TSHZ2: variants seen among roughly 807,000 people sequenced by gnomAD.
TSHZ2 encodes the protein teashirt zinc finger homeobox 2.
TSHZ2 carries 21 observed loss-of-function variants against 74.4 expected under a neutral mutation model. The ratio of observed to expected loss-of-function variants is 0.28; its 90% CI spans 0.20 to 0.41. TSHZ2 has a LOEUF of 0.41. Ranked by LOEUF, TSHZ2 falls within the 10% of genes least tolerant of loss-of-function variation. TSHZ2 has a pLI of 1.00. For synonymous variants in TSHZ2, 540 were observed against 515.3 expected (o/e 1.05, Z -0.65); for missense variants, 1,244 against 1,293.5 (o/e 0.96, Z 0.59).
intron 2 of TSHZ2, among the ~76,000 whole-genome samples, chr20:53,480,874 T>C (rs1411268996): frequency 1.3e-5 from 2 of 152,224 alleles, no homozygotes; most frequent in Non-Finnish European, 2.9e-5. Flanking sequence ...GCATATGTCA[T>C]TCTACGCATC....
intron 2 of TSHZ2, among the ~76,000 whole-genome samples, chr20:53,357,726 C>T (rs1395196782): frequency 3.3e-5 from 5 of 152,104 alleles, no homozygotes; most frequent in Admixed American, 1.3e-4. Context: ...AATTGTTCTT[C>T]GTCACTGAGG....
intron 2 of TSHZ2, among the ~76,000 whole-genome samples, chr20:53,363,133 G>C (rs1051712335): frequency 6.6e-6 from 1 of 152,242 alleles, no homozygotes; most frequent in Non-Finnish European, 1.5e-5. Context: ...CACGTCTCCC[G>C]GAGGTCCCCA....
chr20:53,210,612 G>A (rs973198400), intron 1 of TSHZ2, among the ~76,000 whole-genome samples: 5 of 151,754 alleles, frequency 3.3e-5, no homozygotes, highest in Non-Finnish European at 4.4e-5. Flanking sequence ...CTGGGGTTTG[G>A]GGTTTATACG....
intron 2 of TSHZ2, among the ~76,000 whole-genome samples, chr20:53,439,286 C>T (rs756048994): frequency 6.6e-6 from 1 of 152,132 alleles, no homozygotes; most frequent in African/African-American, 2.4e-5. Context: ...ATCCTTCCAT[C>T]TGGAGTCAGT....
intron 2 of TSHZ2, among the ~76,000 whole-genome samples, chr20:53,405,672 A>C (rs544325119): frequency 1.1e-4 from 17 of 152,334 alleles, no homozygotes; most frequent in African/African-American, 3.8e-4. Context: ...GATGAGAGAC[A>C]AGAGGAAAAG....
chr20:53,466,914 A>G (rs145800432), intron 2 of TSHZ2, among the ~76,000 whole-genome samples: 150 of 152,352 alleles, frequency 9.8e-4, no homozygotes, highest in African/African-American at 3.3e-3. Flanking sequence ...GATTCTAGTT[A>G]GTTTCATTGA....
chr20:53,342,830 C>G (rs559186130), intron 2 of TSHZ2, among the ~76,000 whole-genome samples: 1 of 152,106 alleles, frequency 6.6e-6, no homozygotes, highest in East Asian at 1.9e-4. Flanking sequence ...TGTGGAACAT[C>G]TACAGCAGGG....
chr20:53,284,711 C>T (rs1173305798), intron 2 of TSHZ2, among the ~76,000 whole-genome samples: 1 of 142,452 alleles, frequency 7.0e-6, no homozygotes, highest in African/African-American at 2.6e-5. Flanking sequence ...CCCCTACACG[C>T]CCGTCCCCCC....
At chr20:53,089,164 C>A (rs1600684192) in intron 1 of TSHZ2, among the ~76,000 whole-genome samples, 1 of 151,266 alleles carries the variant, frequency 6.6e-6, no homozygotes, top group East Asian at 1.9e-4. Flanking sequence ...TTCAGGCTTA[C>A]GAGATCATGT....
At chr20:53,249,895 A>G (rs1990288373) in intron 1 of TSHZ2, among the ~76,000 whole-genome samples, 1 of 152,240 alleles carries the variant, frequency 6.6e-6, no homozygotes, top group Non-Finnish European at 1.5e-5. Flanking sequence ...ATCTTCTAGC[A>G]GTTCACTGAA....
chr20:53,082,904 T>C (rs1285978244), intron 1 of TSHZ2, among the ~76,000 whole-genome samples: 1 of 152,220 alleles, frequency 6.6e-6, no homozygotes, highest in African/African-American at 2.4e-5. Context: ...TTTCAAATTC[T>C]TCTCTGATGG....
chr20:53,025,679 C>T lies in TSHZ2; in HGVS notation c.40+52346C>T, dbSNP rs527671830. ...TACTTTCAGATAAAAATTACTATTT[C>T]TTACCTAAAAAGAAAACACAAATAG... On this transcript the variant is annotated intron_variant, in intron 1 of 2. Coordinates refer to ENST00000371497, the MANE Select transcript of TSHZ2 (RefSeq NM_173485.6). 1.8e-4 allele frequency among the ~76,000 whole-genome samples: 27 copies of T among 152,310 alleles called. No homozygotes were observed. The East Asian group carries it at 5.0e-3, about 28-fold the overall frequency.
intron 2 of TSHZ2, among the ~76,000 whole-genome samples, chr20:53,485,708 C>CAA (rs11480327): frequency 3.2e-4 from 40 of 124,750 alleles, no homozygotes; most frequent in East Asian, 1.1e-3. Flanking sequence ...GGCTCCAGCA[C>CAA]AAAAAAAAAA....
chr20:53,276,707 C>A (rs944042763), intron 2 of TSHZ2, among the ~76,000 whole-genome samples: 5 of 152,188 alleles, frequency 3.3e-5, no homozygotes, highest in African/African-American at 1.2e-4. Context: ...GCGCCATCCC[C>A]CGAGTGTCAG....
Position 53,253,801 on chromosome 20 carries a change from C to G in TSHZ2, c.343C>G (p.Pro115Ala). The G allele has an allele frequency of 6.2e-7, 1 of 1,614,176 alleles. No individual in the cohort carries two copies. Among genetic ancestry groups the G allele is most frequent in the Non-Finnish European group, 8.5e-7 (1 of 1,180,018 alleles). The change falls in exon 2 of 3, where the codon CCA becomes GCA. Residue 115 changes from proline to alanine, a missense_variant. Physicochemically the swap from Pro to Ala is conservative, Grantham distance 27. This residue lies in a region of TSHZ2 where 470 missense variants were observed against 456.5 expected (regional missense o/e 1.03). Transcript: ENST00000371497. The stretch of plus-strand genomic sequence containing the variant: ...GAAAGCACACACTCACGTCAGGCTT[C>G]CAAACGAAGCACACAATTGCATGGA... ...DKKAHTHVRL[P>A]NEAHNCMDKM... is the part of the protein sequence containing the mutation.
At chr20:53,150,809 A>G (rs1600713608) in intron 1 of TSHZ2, among the ~76,000 whole-genome samples, 1 of 152,276 alleles carries the variant, frequency 6.6e-6, no homozygotes, top group East Asian at 1.9e-4. Context: ...AGCAAATAAG[A>G]AAACTAAGAT....
rs552527358 is a variant in TSHZ2 at position 53,137,134 on chromosome 20, G to A, written c.41-116365G>A. The stretch of plus-strand genomic sequence containing the variant: ...TTACCTACTTCAATTTCCCACTGTA[G>A]TTATCCTGGTTTGCCTTTATCATTG... On this transcript the variant is annotated intron_variant, in intron 1 of 2. Transcript: ENST00000371497. Among the ~76,000 whole-genome samples, 3 of 152,132 alleles carry A rather than the reference G, an allele frequency of 2.0e-5. No homozygotes were observed. The East Asian group carries it at 5.8e-4, about 29-fold the overall frequency.
intron 1 of TSHZ2, among the ~76,000 whole-genome samples, chr20:53,153,109 G>A (rs1165008847): frequency 6.6e-6 from 1 of 152,194 alleles, no homozygotes; most frequent in African/African-American, 2.4e-5. Flanking sequence ...AACACAATCA[G>A]GACATCCTAT....
At chr20:53,455,796 T>G in intron 2 of TSHZ2, among the ~76,000 whole-genome samples, 1 of 149,406 alleles carries the variant, frequency 6.7e-6, no homozygotes, top group African/African-American at 2.5e-5. Flanking sequence ...CACCTATGAG[T>G]GAGAATATGC....
Sources: allele counts gnomAD v4.1 joint callset (sites outside exome capture counted in the v4.1 genomes callset), GRCh38; gene constraint gnomAD v4.1.1; regional missense constraint gnomAD v4.1.1; transcripts MANE v1.5; gene names NCBI Gene and HGNC (gene_info 2026-07-23, HGNC 2026-07-21).